Variants in ITGBL1 observed in about 807,000 individuals in gnomAD.
ITGBL1 encodes integrin beta-like protein 1.
Under a neutral mutation model 68.5 loss-of-function variants are expected in ITGBL1, and 51 were observed. The ratio of observed to expected loss-of-function variants is 0.74; its 90% CI spans 0.59 to 0.94. The LOEUF is 0.94. ITGBL1 is among the 40% of genes least tolerant of loss of function. The pLI is 0.00. For synonymous variants in ITGBL1, 209 were observed against 227.3 expected (o/e 0.92, Z 0.72); for missense variants, 649 against 647.4 (o/e 1.00, Z -0.03).
At chr13:101,686,699 G>A (rs992573283) in intron 7 of ITGBL1, among the ~76,000 whole-genome samples, 14 of 151,880 alleles carry the variant, frequency 9.2e-5, no homozygotes, top group African/African-American at 3.1e-4. Flanking sequence ...TTTGGAGGCA[G>A]TTCATTACTA....
intron 2 of ITGBL1, among the ~76,000 whole-genome samples, chr13:101,471,546 G>A (rs5011186): frequency 0.21 from 22,844 of 106,342 alleles, 2,015 homozygotes; most frequent in East Asian, 0.4. Context: ...GTGTGTGTGT[G>A]TGTGTGTGTG....
chr13:101,468,452 A>G lies in ITGBL1; in HGVS notation c.316+14352A>G, dbSNP rs892434267. ...TTCACTTTTTATAATAACTTTTAAGAGATAGTCAAAACAATTATCCTCCAA... is the reference window on the plus strand; with the variant it reads ...TTCACTTTTTATAATAACTTTTAAGGGATAGTCAAAACAATTATCCTCCAA... On this transcript the variant is annotated intron_variant, in intron 2 of 10. Transcript: ENST00000376180. 1.1e-4 allele frequency among the ~76,000 whole-genome samples: 16 copies of G among 152,202 alleles called. 1 individual carries two copies. The highest frequency in any genetic ancestry group is 1.3e-4 in the Admixed American group (2 of 15,284).
chr13:101,528,143 T>C (rs562556894), intron 2 of ITGBL1, among the ~76,000 whole-genome samples: 1 of 151,612 alleles, frequency 6.6e-6, no homozygotes, highest in South Asian at 2.1e-4. Context: ...TATATAAAAA[T>C]ATATATAGGT....
intron 4 of ITGBL1, among the ~76,000 whole-genome samples, chr13:101,579,085 T>C (rs2050410799): frequency 6.6e-6 from 1 of 152,218 alleles, no homozygotes; most frequent in Non-Finnish European, 1.5e-5. Context: ...AAGGACACTT[T>C]GCTCTTTTTG....
At chr13:101,620,925 C>T (rs139003192) in intron 7 of ITGBL1, among the ~76,000 whole-genome samples, 181 of 152,206 alleles carry the variant, frequency 1.2e-3, no homozygotes, top group African/African-American at 4.3e-3. Flanking sequence ...GGGGCTGTAC[C>T]CAAAGTGGAG....
intron 6 of ITGBL1, 58 bp downstream of exon 6, chr13:101,583,414 TAAA>T (rs370279713): frequency 6.0e-3 from 6,169 of 1,036,786 alleles, no homozygotes; most frequent in South Asian, 9.8e-3. Flanking sequence ...TGTTAATGGG[TAAA>T]AAAAAAAAAA....
At chr13:101,705,521 T>G (rs1303400606) in intron 8 of ITGBL1, among the ~76,000 whole-genome samples, 3 of 152,086 alleles carry the variant, frequency 2.0e-5, no homozygotes, top group Non-Finnish European at 4.4e-5. Flanking sequence ...CTGCACACGT[T>G]CATGCTCTCA....
intron 7 of ITGBL1, among the ~76,000 whole-genome samples, chr13:101,670,746 T>C (rs1481604549): frequency 2.0e-5 from 3 of 152,216 alleles, no homozygotes; most frequent in Non-Finnish European, 2.9e-5. Flanking sequence ...TCTCATCTTA[T>C]GAAAGAGTTA....
At chr13:101,569,073 T>TACAC in intron 3 of ITGBL1, among the ~76,000 whole-genome samples, 1 of 80,796 alleles carries the variant, frequency 1.2e-5, no homozygotes, top group Non-Finnish European at 2.6e-5. Context: ...CACACACACT[T>TACAC]CTCTACTTCC....
At chr13:101,656,065 G>A (rs1005622737) in intron 7 of ITGBL1, among the ~76,000 whole-genome samples, 1 of 152,014 alleles carries the variant, frequency 6.6e-6, no homozygotes, top group Non-Finnish European at 1.5e-5. Context: ...GGGGGAGGGG[G>A]GCTTCCTCGC....
At chr13:101,503,494 C>G (rs1360866931) in intron 2 of ITGBL1, among the ~76,000 whole-genome samples, 1 of 152,078 alleles carries the variant, frequency 6.6e-6, no homozygotes, top group Non-Finnish European at 1.5e-5. Context: ...CAAGAAAGGG[C>G]CCCCAGGTGG....
chr13:101,474,477 C>G (rs72657124), intron 2 of ITGBL1, among the ~76,000 whole-genome samples: 44,116 of 152,160 alleles, frequency 0.29, 7,969 homozygotes, highest in Non-Finnish European at 0.4. Context: ...CTGGGCCAGC[C>G]TTGAGCCAGG....
At chr13:101,619,409 C>T (rs1156265221) in intron 7 of ITGBL1, among the ~76,000 whole-genome samples, 2 of 151,944 alleles carry the variant, frequency 1.3e-5, no homozygotes, top group Non-Finnish European at 1.5e-5. Context: ...ATGAGAAGGA[C>T]TCAACCTACC....
At chr13:101,597,058 A>C (rs547024734) in intron 6 of ITGBL1, among the ~76,000 whole-genome samples, 1 of 152,158 alleles carries the variant, frequency 6.6e-6, no homozygotes, top group Non-Finnish European at 1.5e-5. Context: ...CCTAATGTCA[A>C]CTATTCACTT....
chr13:101,504,833 C>T (rs1267376300), intron 2 of ITGBL1, among the ~76,000 whole-genome samples: 1 of 152,134 alleles, frequency 6.6e-6, no homozygotes, highest in African/African-American at 2.4e-5. Context: ...GAAAATATAC[C>T]TGGCAAATTC....
intron 2 of ITGBL1, among the ~76,000 whole-genome samples, chr13:101,537,361 C>G (rs986634645): frequency 1.3e-5 from 2 of 151,840 alleles, no homozygotes; most frequent in Admixed American, 1.3e-4. Flanking sequence ...TTTCCAGTAA[C>G]AAATGGATGA....
intron 2 of ITGBL1, among the ~76,000 whole-genome samples, chr13:101,535,823 T>C (rs770629176): frequency 6.6e-6 from 1 of 152,134 alleles, no homozygotes; most frequent in Admixed American, 6.6e-5. Context: ...GAATCTCTTC[T>C]TCATAATCAT....
chr13:101,619,560 C>G (rs981961060), intron 7 of ITGBL1, among the ~76,000 whole-genome samples: 7 of 152,102 alleles, frequency 4.6e-5, no homozygotes, highest in Non-Finnish European at 1.0e-4. Context: ...TTGAGCCCAG[C>G]CAAACCATTT....
At chr13:101,612,312 C>G (rs2031169244) in intron 7 of ITGBL1, among the ~76,000 whole-genome samples, 1 of 152,062 alleles carries the variant, frequency 6.6e-6, no homozygotes, top group Non-Finnish European at 1.5e-5. Flanking sequence ...TGTATAAAGT[C>G]CTTTATAAAG....
Sources: gnomAD v4.1 joint callset for allele counts (sites outside exome capture counted in the v4.1 genomes callset) on GRCh38, gnomAD v4.1.1 for gene constraint, MANE v1.5 for transcripts, NCBI Gene and HGNC (gene_info 2026-07-23, HGNC 2026-07-21) for gene names.